Variants in PDZD2 observed in about 807,000 individuals in gnomAD.
PDZD2 encodes PDZ domain-containing protein 2.
PDZD2 carries 90 observed loss-of-function variants against 220.7 expected under a neutral mutation model. The ratio of observed to expected loss-of-function variants is 0.41; its 90% CI spans 0.34 to 0.49. PDZD2 has a LOEUF of 0.49. PDZD2 is among the 20% of genes least tolerant of loss of function. The pLI, the probability that PDZD2 is intolerant of heterozygous loss-of-function variation, is 0.28. For synonymous variants in PDZD2, 1,375 were observed against 1,450.5 expected (o/e 0.95, Z 1.18); for missense variants, 3,174 against 3,608.5 (o/e 0.88, Z 3.08).
chr5:31,707,130 A>T (rs1388420913), intron 1 of PDZD2, among the ~76,000 whole-genome samples: 2 of 124,378 alleles, frequency 1.6e-5, no homozygotes, highest in Non-Finnish European at 3.2e-5. Flanking sequence ...AGGAAGGGGG[A>T]CATCACTCAC....
chr5:32,016,753 A>C (rs577890349), intron 6 of PDZD2, among the ~76,000 whole-genome samples: 1 of 152,212 alleles, frequency 6.6e-6, no homozygotes, highest in South Asian at 2.1e-4. Flanking sequence ...CTTGCTATTT[A>C]TGTAACTTCA....
intron 1 of PDZD2, among the ~76,000 whole-genome samples, chr5:31,652,101 G>T (rs190588788): frequency 6.7e-6 from 1 of 150,090 alleles, no homozygotes; most frequent in East Asian, 2.0e-4. Context: ...AAGATGTTAG[G>T]ATAATAGGCA....
At chr5:31,979,496 C>T (rs1378334687) in intron 2 of PDZD2, among the ~76,000 whole-genome samples, 1 of 151,914 alleles carries the variant, frequency 6.6e-6, no homozygotes, top group Non-Finnish European at 1.5e-5. Flanking sequence ...AGGAGAACCC[C>T]TTGAACCCAG....
chr5:32,038,304 C>G (rs2112228623), intron 7 of PDZD2, among the ~76,000 whole-genome samples: 1 of 149,004 alleles, frequency 6.7e-6, no homozygotes, highest in East Asian at 2.0e-4. Flanking sequence ...CTGAGGCAGG[C>G]AGATCACGAG....
intron 2 of PDZD2, among the ~76,000 whole-genome samples, chr5:31,826,766 T>A (rs1371530649): frequency 6.6e-6 from 1 of 152,182 alleles, no homozygotes; most frequent in Admixed American, 6.5e-5. Context: ...ATGAGCCACA[T>A]GCATTAGGTA....
intron 17 of PDZD2, 113 bp from the exon 18 acceptor site, chr5:32,073,719 T>G (rs1267162132): frequency 1.4e-6 from 1 of 732,202 alleles, no homozygotes; most frequent in Non-Finnish European, 2.4e-6. Context: ...AGGCTGTGTG[T>G]CTGGTGTTAG....
At chr5:31,991,636 T>C (rs1751216964) in intron 3 of PDZD2, among the ~76,000 whole-genome samples, 1 of 152,228 alleles carries the variant, frequency 6.6e-6, no homozygotes, top group Non-Finnish European at 1.5e-5. Flanking sequence ...ATATTTAAGT[T>C]GGCCTGTTAG....
At chr5:32,107,415 T>C (rs1400074194) in intron 24 of PDZD2, 2 of 151,048 alleles carry the variant, frequency 1.3e-5, no homozygotes, top group Non-Finnish European at 2.9e-5. Context: ...AAAAAAGCTG[T>C]GCATGGTGGT....
chr5:32,059,067 C>G (rs564040845), intron 12 of PDZD2, among the ~76,000 whole-genome samples, 172 bp from the exon 13 acceptor site: 1 of 152,160 alleles, frequency 6.6e-6, no homozygotes, highest in African/African-American at 2.4e-5. Flanking sequence ...ATTCTATTAA[C>G]AGCAGTGGCA....
At chr5:32,044,745 A>G (rs1223025688) in intron 7 of PDZD2, among the ~76,000 whole-genome samples, 3 of 152,200 alleles carry the variant, frequency 2.0e-5, no homozygotes, top group African/African-American at 7.2e-5. Flanking sequence ...AAAGTTGGGT[A>G]AAACTTCACG....
intron 1 of PDZD2, among the ~76,000 whole-genome samples, chr5:31,644,356 G>A (rs757905147): frequency 6.6e-6 from 1 of 152,172 alleles, no homozygotes; most frequent in Non-Finnish European, 1.5e-5. Context: ...GGGTTCTAGC[G>A]GGGAGTGTTT....
chr5:32,013,244 A>G (rs1184415780), intron 6 of PDZD2, among the ~76,000 whole-genome samples: 2 of 151,942 alleles, frequency 1.3e-5, no homozygotes, highest in Non-Finnish European at 2.9e-5. Flanking sequence ...TCACCAATGT[A>G]CTTCACATTT....
chr5:31,970,315 G>T (rs748140989), intron 2 of PDZD2, among the ~76,000 whole-genome samples: 72 of 152,144 alleles, frequency 4.7e-4, no homozygotes, highest in Admixed American at 4.3e-3. Flanking sequence ...GGTAGATTTT[G>T]GTTATTAGAC....
intron 24 of PDZD2, chr5:32,106,524 T>TATC (rs1235706828): frequency 7.2e-5 from 11 of 152,228 alleles, no homozygotes; most frequent in African/African-American, 2.7e-4. Flanking sequence ...ACAAGACAGA[T>TATC]ATCATCATCA....
intron 6 of PDZD2, among the ~76,000 whole-genome samples, chr5:32,026,745 A>G (rs1230903568): frequency 6.6e-6 from 1 of 152,108 alleles, no homozygotes; most frequent in Admixed American, 6.5e-5. Context: ...TTTCTCACCC[A>G]CTAGGTCATG....
At chr5:31,965,237 G>A (rs947034085) in intron 2 of PDZD2, among the ~76,000 whole-genome samples, 16 of 152,176 alleles carry the variant, frequency 1.1e-4, no homozygotes, top group Admixed American at 1.0e-3. Context: ...GAGCTCCAAA[G>A]CCAAAAGAAG....
chr5:31,923,308 C>T (rs550538799), intron 2 of PDZD2: 44 of 684,026 alleles, frequency 6.4e-5, no homozygotes, highest in Middle Eastern at 4.2e-4. Context: ...TTCTCCCTTT[C>T]GGATTCCCGA....
At chr5:32,035,607 A>G (rs1025922119) in intron 6 of PDZD2, among the ~76,000 whole-genome samples, 1 of 151,928 alleles carries the variant, frequency 6.6e-6, no homozygotes, top group African/African-American at 2.4e-5. Context: ...AATAGCTGGG[A>G]CTACAGGCAC....
intron 1 of PDZD2, among the ~76,000 whole-genome samples, chr5:31,656,493 G>T (rs1351052611): frequency 6.6e-6 from 1 of 152,170 alleles, no homozygotes; most frequent in African/African-American, 2.4e-5. Flanking sequence ...GCAGCAGTCA[G>T]TAAAGGGATG....
Sources: gnomAD v4.1 joint callset for allele counts (sites outside exome capture counted in the v4.1 genomes callset) on GRCh38, gnomAD v4.1.1 for gene constraint, MANE v1.5 for transcripts, NCBI Gene and HGNC (gene_info 2026-07-23, HGNC 2026-07-21) for gene names.